PRSS23: variants seen among roughly 807,000 people sequenced by gnomAD.
PRSS23 encodes protease, serine 23.
In PRSS23, 25 loss-of-function variants were observed where a neutral mutation model predicts 34.7. That is an observed-to-expected ratio of 0.72 (90% confidence interval 0.53 to 1.01). PRSS23 has a LOEUF of 1.01. PRSS23 is among the 50% of genes least tolerant of loss of function. PRSS23 has a pLI of 0.00. For synonymous variants in PRSS23, 176 were observed against 186.6 expected (o/e 0.94, Z 0.46); for missense variants, 445 against 475.6 (o/e 0.94, Z 0.60).
intron 2 of PRSS23, among the ~76,000 whole-genome samples, chr11:86,836,024 A>G (rs1948402576): frequency 6.6e-6 from 1 of 152,146 alleles, no homozygotes; most frequent in African/African-American, 2.4e-5. Context: ...TCAAAGGCAA[A>G]CAAGAATTGA....
intron 2 of PRSS23, among the ~76,000 whole-genome samples, chr11:86,917,082 G>A (rs2134999389): frequency 6.6e-6 from 1 of 152,344 alleles, no homozygotes; most frequent in South Asian, 2.1e-4. Context: ...CACTTTGGGA[G>A]GCCAAGGCGG....
At chr11:86,943,902 G>C (rs898733975) in intron 2 of PRSS23, among the ~76,000 whole-genome samples, 3 of 151,826 alleles carry the variant, frequency 2.0e-5, no homozygotes, top group Admixed American at 6.6e-5. Flanking sequence ...TGTCACACCT[G>C]ACTAGTTTTT....
intron 2 of PRSS23, among the ~76,000 whole-genome samples, chr11:86,828,009 T>C (rs1458147814): frequency 6.6e-6 from 1 of 152,172 alleles, no homozygotes; most frequent in Non-Finnish European, 1.5e-5. Flanking sequence ...GTCTATTAGG[T>C]CCACTTGGTG....
intron 1 of PRSS23, among the ~76,000 whole-genome samples, chr11:86,801,165 A>G (rs1948033135): frequency 6.6e-6 from 1 of 152,204 alleles, no homozygotes; most frequent in Non-Finnish European, 1.5e-5. Context: ...CAGGCTGGGA[A>G]ATAGAATCTT....
intron 2 of PRSS23, among the ~76,000 whole-genome samples, chr11:86,851,537 T>G (rs1253176356): frequency 6.6e-6 from 1 of 152,260 alleles, no homozygotes; most frequent in East Asian, 1.9e-4. Context: ...GGGAGAGGAC[T>G]GGCCAAATGC....
chr11:86,878,445 G>A (rs949876907), intron 2 of PRSS23, among the ~76,000 whole-genome samples: 1 of 152,046 alleles, frequency 6.6e-6, no homozygotes, highest in Admixed American at 6.5e-5. Flanking sequence ...GTATTTTTTT[G>A]GTGGAGACGG....
rs778424707 is a variant in PRSS23 at position 86,808,747 on chromosome 11, G to T, written c.1104G>T (p.Gln368His). The T allele has an allele frequency of 1.4e-5, 23 of 1,614,032 alleles. No individual in the cohort carries two copies. Among genetic ancestry groups the T allele is most frequent in the East Asian group, 6.7e-5 (3 of 44,876 alleles). ...AVRITPLKYA[Q>H]ICYWIKGNYL... is the part of the protein sequence containing the mutation. The stretch of plus-strand genomic sequence containing the variant: ...GAATCACTCCTCTCAAATATGCCCA[G>T]ATTTGCTATTGGATTAAAGGAAACT... Residue 368 changes from glutamine to histidine, a missense_variant, in exon 2 of 2, where the codon CAG (glutamine) becomes CAT (histidine). Transcript: ENST00000280258.
At chr11:86,869,871 C>G (rs77307050) in intron 2 of PRSS23, among the ~76,000 whole-genome samples, 8,114 of 152,236 alleles carry the variant, frequency 0.053, 259 homozygotes, top group Middle Eastern at 0.12. Context: ...CAGAGCCCAA[C>G]ACAGGGTTTG....
downstream of PRSS23, among the ~76,000 whole-genome samples, chr11:86,811,627 T>G (rs1202473498): frequency 6.6e-6 from 1 of 152,166 alleles, no homozygotes; most frequent in East Asian, 1.9e-4. Flanking sequence ...TTTTTACTGT[T>G]TTTGGACCAA....
downstream of PRSS23, among the ~76,000 whole-genome samples, chr11:86,811,843 C>T (rs1948181085): frequency 6.6e-6 from 1 of 152,140 alleles, no homozygotes; most frequent in Non-Finnish European, 1.5e-5. Context: ...TGACTCTAGG[C>T]TGCTGTCTGC....
chr11:86,810,415 C>A lies in PRSS23; in HGVS notation c.*1620C>A, dbSNP rs931329544. ...GATAAGGCACTCAAGAAACGTACAA[C>A]CACAGTGCTTTCTTCAAATCATATG... On this transcript the variant is annotated 3_prime_UTR_variant, in exon 2 of 2. Coordinates refer to ENST00000280258, the MANE Select transcript of PRSS23 (RefSeq NM_007173.6). 4 of 167,018 alleles carry A rather than the reference C, an allele frequency of 2.4e-5. No individual in the cohort carries two copies. Among genetic ancestry groups the A allele is most frequent in the African/African-American group, 9.7e-5 (4 of 41,444 alleles). The allele number at this position is 167,018 out of a possible 1,614,324, so 10.3% of individuals were successfully genotyped here.
chr11:86,842,932 T>C (rs999651821), intron 2 of PRSS23, among the ~76,000 whole-genome samples: 1 of 152,264 alleles, frequency 6.6e-6, no homozygotes, highest in Non-Finnish European at 1.5e-5. Context: ...TTAAATTTCA[T>C]ATGGAACCAA....
chr11:86,952,097 T>C, exon 3 of PRSS23: 1 of 1,614,056 alleles, frequency 6.2e-7, no homozygotes, highest in Non-Finnish European at 8.5e-7. Context: ...CATCCAGATA[T>C]CAGTGAACTC....
chr11:86,912,470 T>C (rs1210446090), intron 2 of PRSS23, among the ~76,000 whole-genome samples: 1 of 152,184 alleles, frequency 6.6e-6, no homozygotes, highest in South Asian at 2.1e-4. Flanking sequence ...TTTTTTCCAA[T>C]TTTTCTTCTC....
At chr11:86,952,447 C>T in exon 3 of PRSS23, 1 of 1,613,700 alleles carries the variant, frequency 6.2e-7, no homozygotes, top group East Asian at 2.2e-5. Flanking sequence ...TGCACATTGG[C>T]ACATAAACAG....
intron 2 of PRSS23, among the ~76,000 whole-genome samples, chr11:86,899,841 A>C (rs1264142601): frequency 6.6e-6 from 1 of 152,050 alleles, no homozygotes; most frequent in Non-Finnish European, 1.5e-5. Context: ...TTAAAAAAAA[A>C]AAAAATACTA....
At chr11:86,839,526 C>A (rs963012217) in intron 2 of PRSS23, among the ~76,000 whole-genome samples, 2 of 152,158 alleles carry the variant, frequency 1.3e-5, no homozygotes, top group African/African-American at 4.8e-5. Context: ...AGAAAACACT[C>A]TTCAGGATAT....
intron 1 of PRSS23, among the ~76,000 whole-genome samples, chr11:86,817,861 G>A (rs544885853): frequency 6.6e-6 from 1 of 152,258 alleles, no homozygotes; most frequent in South Asian, 2.1e-4. Flanking sequence ...GTCAGAGAGG[G>A]GCTAATTGAA....
chr11:86,926,420 C>G (rs1245317943), intron 2 of PRSS23, among the ~76,000 whole-genome samples: 1 of 152,098 alleles, frequency 6.6e-6, no homozygotes. Context: ...AAAAGTGTGA[C>G]TTAGAGTCCT....
Sources: allele counts gnomAD v4.1 joint callset (sites outside exome capture counted in the v4.1 genomes callset), GRCh38; gene constraint gnomAD v4.1.1; transcripts MANE v1.5; gene names NCBI Gene and HGNC (gene_info 2026-07-23, HGNC 2026-07-21).